NDUFAF2: variants seen among roughly 807,000 people sequenced by gnomAD.
The protein encoded by NDUFAF2 is NADH:ubiquinone oxidoreductase complex assembly factor 2.
NDUFAF2 carries 13 observed loss-of-function variants against 22.8 expected under a neutral mutation model. That is an observed-to-expected ratio of 0.57 (90% confidence interval 0.37 to 0.91). The LOEUF (loss-of-function observed/expected upper bound fraction) is 0.91. Among genes scored for constraint, NDUFAF2 ranks in the 40% least tolerant of loss-of-function variants. The probability of loss-of-function intolerance (pLI) is 0.01; values close to 1 mark genes in which losing one functional copy is unlikely to be tolerated. For missense variants in NDUFAF2, 162 were observed against 195.2 expected, an observed-to-expected ratio of 0.83 and a Z score of 1.01; for synonymous variants, 53 against 64.2, an observed-to-expected ratio of 0.83 and a Z score of 0.84.
intron 1 of NDUFAF2, among the ~76,000 whole-genome samples, chr5:61,019,458 A>C (rs1751551121): frequency 6.6e-6 from 1 of 151,972 alleles, no homozygotes; most frequent in Non-Finnish European, 1.5e-5. Flanking sequence ...TTGATACTAA[A>C]CTACAACTCT....
At position 61,086,256 on chromosome 5, in the gene NDUFAF2, A is replaced by G. The variant is rs556906185; in HGVS notation, c.218-12736A>G. On this transcript the variant is annotated intron_variant, in intron 2 of 3. Coordinates refer to ENST00000296597, the MANE Select transcript of NDUFAF2 (RefSeq NM_174889.5). ...AAAGACAGTATTTCCCTTCAAATTG[A>G]TCTGTAAATTCATTGCCCTCCAATC... Among the ~76,000 whole-genome samples the G allele has an allele frequency of 2.6e-5, 4 of 152,296 alleles. No individual in the cohort carries two copies. In the South Asian group the frequency reaches 8.3e-4, roughly 32 times the overall value.
intron 1 of NDUFAF2, among the ~76,000 whole-genome samples, chr5:61,028,944 AC>A (rs1210933224): frequency 2.0e-5 from 3 of 151,040 alleles, no homozygotes; most frequent in African/African-American, 7.3e-5. Context: ...GTTTATGTGT[AC>A]ACTAGGCTTA....
At chr5:61,066,281 C>T (rs1441443041) in intron 1 of NDUFAF2, among the ~76,000 whole-genome samples, 1 of 151,970 alleles carries the variant, frequency 6.6e-6, no homozygotes, top group Non-Finnish European at 1.5e-5. Context: ...GTTCATAGTA[C>T]CCAAACCAGT....
chr5:60,973,553 C>A lies in NDUFAF2; in HGVS notation c.127+28171C>A, dbSNP rs192222202. ...TCAGAAGCACTTCTTGATGAATCTA[C>A]CAGAAAGTGAGCTTTGCGAACCAAG... On this transcript the variant is annotated intron_variant, in intron 1 of 3. Transcript: ENST00000296597. 3.5e-3 allele frequency among the ~76,000 whole-genome samples: 538 copies of A among 152,188 alleles called. 2 individuals carry two copies. The highest frequency in any genetic ancestry group is 5.9e-3 in the Non-Finnish European group (400 of 67,998).
At chr5:61,105,601 G>A (rs1752752956) in intron 3 of NDUFAF2, among the ~76,000 whole-genome samples, 1 of 140,928 alleles carries the variant, frequency 7.1e-6, no homozygotes, top group Non-Finnish European at 1.5e-5. Flanking sequence ...TTTTAACATG[G>A]ATAAATCTCA....
At chr5:61,112,918 T>G (rs1752863618) in intron 3 of NDUFAF2, among the ~76,000 whole-genome samples, 1 of 151,976 alleles carries the variant, frequency 6.6e-6, no homozygotes, top group South Asian at 2.1e-4. Flanking sequence ...GTTGTATGTT[T>G]TTACATTTGA....
chr5:61,120,805 G>A (rs976233741), intron 3 of NDUFAF2, among the ~76,000 whole-genome samples: 1 of 151,986 alleles, frequency 6.6e-6, no homozygotes, highest in African/African-American at 2.4e-5. Context: ...GAGTGAAAAG[G>A]GGTTAAAGGA....
rs1554083325 is a variant in NDUFAF2, at chr5:61,107,072, C to CACACACACACACAA, written c.258+8053_258+8054insAACACACACACACA. On this transcript the variant is annotated intron_variant, in intron 3 of 3. Coordinates refer to ENST00000296597, the MANE Select transcript of NDUFAF2 (RefSeq NM_174889.5). ...ACACACACACACACACACACACACA[C>CACACACACACACAA]ACACACACACACACACACATATATG... Among the ~76,000 whole-genome samples, 28 of 150,156 alleles carry CACACACACACACAA rather than the reference C, an allele frequency of 1.9e-4. 1 individual carries two copies. The highest frequency in any genetic ancestry group is 3.4e-3 in the Middle Eastern group (1 of 294).
intron 3 of NDUFAF2, among the ~76,000 whole-genome samples, chr5:61,128,987 A>T (rs746952123): frequency 6.6e-6 from 1 of 152,266 alleles, no homozygotes; most frequent in African/African-American, 2.4e-5. Context: ...TGGGCAAAGT[A>T]TATGAACAGA....
chr5:60,982,878 A>T (rs1162795758), intron 1 of NDUFAF2, among the ~76,000 whole-genome samples: 1 of 152,064 alleles, frequency 6.6e-6, no homozygotes, highest in Non-Finnish European at 1.5e-5. Flanking sequence ...ATGTGTCTTT[A>T]GAGAAGCATG....
chr5:61,048,256 T>A (rs905656970), intron 1 of NDUFAF2, among the ~76,000 whole-genome samples: 3 of 152,210 alleles, frequency 2.0e-5, no homozygotes, highest in African/African-American at 7.2e-5. Context: ...GAGATATGTT[T>A]GCTTGTTTAT....
At chr5:60,995,253 C>A (rs1361000896) in intron 1 of NDUFAF2, among the ~76,000 whole-genome samples, 2 of 152,102 alleles carry the variant, frequency 1.3e-5, no homozygotes, top group African/African-American at 4.8e-5. Context: ...AATAGATGTT[C>A]TTCAGTGTCT....
intron 2 of NDUFAF2, among the ~76,000 whole-genome samples, chr5:61,090,892 A>G (rs1330176226): frequency 6.6e-6 from 1 of 151,974 alleles, no homozygotes; most frequent in Non-Finnish European, 1.5e-5. Flanking sequence ...CTAGGTGTCC[A>G]TGTGTTCTCA....
At chr5:61,030,810 A>G (rs1468108640) in intron 1 of NDUFAF2, among the ~76,000 whole-genome samples, 1 of 152,140 alleles carries the variant, frequency 6.6e-6, no homozygotes. Flanking sequence ...AATTCTTCAT[A>G]TAACTAATGA....
intron 1 of NDUFAF2, among the ~76,000 whole-genome samples, chr5:60,964,970 C>G (rs534722628): frequency 6.6e-6 from 1 of 152,066 alleles, no homozygotes; most frequent in Non-Finnish European, 1.5e-5. Context: ...ATTTTCTGTC[C>G]GTTCCTCATG....
intron 3 of NDUFAF2, among the ~76,000 whole-genome samples, chr5:61,152,019 T>C (rs1741247879): frequency 6.6e-6 from 1 of 152,214 alleles, no homozygotes; most frequent in Admixed American, 6.5e-5. Context: ...TAACAAAGGA[T>C]TGATTGTAAT....
intron 1 of NDUFAF2, among the ~76,000 whole-genome samples, chr5:60,986,766 T>G (rs12110162): frequency 0.047 from 7,123 of 151,460 alleles, 564 homozygotes; most frequent in African/African-American, 0.16. Flanking sequence ...CCATCTGTAC[T>G]AAAAAAATAC....
intron 1 of NDUFAF2, among the ~76,000 whole-genome samples, chr5:60,972,098 G>A (rs139275320): frequency 0.016 from 2,397 of 151,734 alleles, 75 homozygotes; most frequent in African/African-American, 0.055. Flanking sequence ...ATACGCCACC[G>A]AGCCTGGCTA....
In NDUFAF2 at chr5:60,954,235, A is replaced by G. The variant is rs78984066; in HGVS notation, c.127+8853A>G. Among the ~76,000 whole-genome samples the G allele has an allele frequency of 7.8e-3, 1,183 of 152,296 alleles. 11 individuals carry two copies. The highest frequency in any genetic ancestry group is 0.028 in the South Asian group (134 of 4,830). On this transcript the variant is annotated intron_variant, in intron 1 of 3. Coordinates refer to ENST00000296597, the MANE Select transcript of NDUFAF2 (RefSeq NM_174889.5). ...TGTGAGAATTCTGCCCCATATAGGC[A>G]TTCTGTATAGGTTGGTAACAGACCA...
Sources: allele counts gnomAD v4.1 joint callset (sites outside exome capture counted in the v4.1 genomes callset), GRCh38; gene constraint gnomAD v4.1.1; transcripts MANE v1.5; gene names NCBI Gene and HGNC (gene_info 2026-07-23, HGNC 2026-07-21).